The following ZNF469 variants were observed in gnomAD, a reference collection of about 807,000 sequenced individuals.
ZNF469 encodes the protein zinc finger protein 469.
ZNF469 carries 1 observed loss-of-function variant against 1.0 expected under a neutral mutation model. The ratio of observed to expected loss-of-function variants is 1.00; its 90% CI spans 0.35 to 4.73. The LOEUF (loss-of-function observed/expected upper bound fraction) is 4.73. ZNF469 is among the 30% of genes most tolerant of loss of function. The pLI, the probability that ZNF469 is intolerant of heterozygous loss-of-function variation, is 0.16. For missense variants in ZNF469, 6,100 were observed against 5,356.3 expected (o/e 1.14, Z -4.33); for synonymous variants, 2,703 against 2,363.4 (o/e 1.14, Z -4.17).
chr16:88,374,002 A>G, the ZNF469 span, among the ~76,000 whole-genome samples: 1 of 148,178 alleles, frequency 6.7e-6, no homozygotes, highest in South Asian at 2.1e-4. Flanking sequence ...TTTGTCTAAA[A>G]TTAAAAAAAA....
the ZNF469 span, among the ~76,000 whole-genome samples, chr16:88,217,106 G>T: frequency 6.6e-6 from 1 of 152,044 alleles, no homozygotes; most frequent in Non-Finnish European, 1.5e-5. Flanking sequence ...TTGGTTTTTG[G>T]TCGTGTGGTC....
chr16:88,369,718 C>T, the ZNF469 span, among the ~76,000 whole-genome samples: 1 of 152,212 alleles, frequency 6.6e-6, no homozygotes, highest in Non-Finnish European at 1.5e-5. Context: ...ACAGAGCAGG[C>T]TCTTGCAGAG....
the ZNF469 span, among the ~76,000 whole-genome samples, chr16:88,376,863 C>T: frequency 6.6e-6 from 1 of 152,192 alleles, no homozygotes; most frequent in Non-Finnish European, 1.5e-5. Flanking sequence ...GTGCAGGGCA[C>T]AGGTGTGGTG....
the ZNF469 span, among the ~76,000 whole-genome samples, chr16:88,367,324 C>G: frequency 2.7e-3 from 414 of 152,364 alleles, 3 homozygotes; most frequent in African/African-American, 9.4e-3. Context: ...GCCCACTTTA[C>G]AGATGAGGAA....
Position 88,430,418 on chromosome 16 carries a change from A to T in ZNF469, c.2948A>T (p.Asn983Ile). The part of the protein sequence containing the change: ...GRASGLRPRR[N>I]DGLGERPPPR... Reference sequence around the variant, plus strand: ...GCCTCCGGCCTGAGGCCCCGGAGGAACGACGGTCTCGGGGAGCGGCCCCCA... The same window carrying T: ...GCCTCCGGCCTGAGGCCCCGGAGGATCGACGGTCTCGGGGAGCGGCCCCCA... The change falls in exon 3 of 3, where the codon AAC becomes ATC. Residue 983 changes from asparagine to isoleucine, a missense_variant. Transcript: ENST00000565624. 1 of 1,519,644 alleles carries T rather than the reference A, an allele frequency of 6.6e-7. No homozygotes were observed. Among genetic ancestry groups the T allele is most frequent in the Non-Finnish European group, 8.8e-7 (1 of 1,137,990 alleles). The allele number at this position is 1,519,644 out of a possible 1,614,324, so 94.1% of individuals were successfully genotyped here.
the ZNF469 span, among the ~76,000 whole-genome samples, chr16:88,297,238 C>T: frequency 2.6e-5 from 4 of 152,142 alleles, no homozygotes; most frequent in East Asian, 1.9e-4. Flanking sequence ...AGTGGTCTCT[C>T]GGCTGTGCTG....
the ZNF469 span, among the ~76,000 whole-genome samples, chr16:88,287,672 G>C: frequency 3.3e-5 from 5 of 152,088 alleles, no homozygotes; most frequent in Admixed American, 1.3e-4. Flanking sequence ...TCCCTCCCAG[G>C]TCCAGCCCCC....
At chr16:88,107,045 C>T in the ZNF469 span, among the ~76,000 whole-genome samples, 42 of 152,324 alleles carry the variant, frequency 2.8e-4, no homozygotes, top group African/African-American at 9.4e-4. Flanking sequence ...GCCTTTGGGG[C>T]GTGCTGGCAG....
the ZNF469 span, among the ~76,000 whole-genome samples, chr16:88,264,378 C>T: frequency 4.6e-5 from 7 of 151,954 alleles, no homozygotes; most frequent in African/African-American, 1.7e-4. Context: ...CTCCCATGGC[C>T]CCCTTTGAGG....
chr16:88,433,081 AGGGAGGCTTG>A lies in ZNF469; in HGVS notation c.5613_5622del (p.Arg1871SerfsTer25). 6.5e-7 allele frequency: 1 copy of A among 1,550,314 alleles called. No homozygotes were observed. The highest frequency in any genetic ancestry group is 8.7e-7 in the Non-Finnish European group (1 of 1,146,956). On this transcript the variant is annotated frameshift_variant, in exon 3 of 3. Transcript: ENST00000565624. LOFTEE classifies it low-confidence loss of function (END_TRUNC). Reference sequence around the variant, plus strand: ...CTCCTCACTGACTGCCCCCCGGGGCAGGGAGGCTTGGTTGGTCCCTGTGCCAAGTCCCGCC... The same window carrying A: ...CTCCTCACTGACTGCCCCCCGGGGCAGTTGGTCCCTGTGCCAAGTCCCGCC...
chr16:88,430,501 C>G lies in ZNF469; in HGVS notation c.3031C>G (p.Arg1011Gly), dbSNP rs1189103377. The G allele has an allele frequency of 1.3e-5, 19 of 1,420,700 alleles. No homozygotes were observed. The highest frequency in any genetic ancestry group is 1.8e-6 in the Non-Finnish European group (2 of 1,097,994). The allele number at this position is 1,420,700 out of a possible 1,614,324, so 88.0% of individuals were successfully genotyped here. The change falls in exon 3 of 3, where the codon CGG (arginine) becomes GGG (glycine). Residue 1011 changes from arginine (R) to glycine (G), a missense_variant. Arg to Gly is a moderately radical substitution (Grantham distance 125). Coordinates refer to ENST00000565624, the MANE Select transcript of ZNF469 (RefSeq NM_001367624.2). ...CGGGAGCCGCGCAGACCCCGCGCCC[C>G]GGGTCCCGAGAGCCGCCGCCCTCCC... is the stretch of plus-strand genomic sequence containing the variant. ...APGSRADPAP[R>G]VPRAAALPEE...
chr16:88,240,826 G>A, the ZNF469 span, among the ~76,000 whole-genome samples: 30 of 152,092 alleles, frequency 2.0e-4, no homozygotes, highest in Non-Finnish European at 3.2e-4. Context: ...AGTCCTTCCC[G>A]GCCCACTTCC....
At chr16:88,161,663 C>T in the ZNF469 span, among the ~76,000 whole-genome samples, 2 of 152,088 alleles carry the variant, frequency 1.3e-5, no homozygotes, top group Admixed American at 1.3e-4. Flanking sequence ...TCACTAGAAA[C>T]TTCCAGTTAT....
the ZNF469 span, among the ~76,000 whole-genome samples, chr16:88,360,106 G>A: frequency 2.1e-4 from 32 of 151,912 alleles, no homozygotes; most frequent in South Asian, 5.0e-3. Flanking sequence ...CACCCACCTC[G>A]GCCTCCCAAA....
At chr16:88,130,956 G>A in the ZNF469 span, among the ~76,000 whole-genome samples, 8 of 152,220 alleles carry the variant, frequency 5.3e-5, no homozygotes, top group African/African-American at 1.7e-4. Context: ...TGAGGACGAG[G>A]TGCCCGGGCA....
chr16:88,248,547 C>T, the ZNF469 span, among the ~76,000 whole-genome samples: 4 of 152,280 alleles, frequency 2.6e-5, no homozygotes, highest in Admixed American at 2.6e-4. Context: ...AAACAATTCC[C>T]CCCAACTAAT....
At chr16:88,316,573 G>A in the ZNF469 span, among the ~76,000 whole-genome samples, 2 of 89,576 alleles carry the variant, frequency 2.2e-5, no homozygotes, top group South Asian at 4.1e-4. Context: ...TTGAGACAGA[G>A]TCTCGTTCTG....
At chr16:88,113,483 G>C in the ZNF469 span, among the ~76,000 whole-genome samples, 7 of 152,240 alleles carry the variant, frequency 4.6e-5, 1 homozygote, top group South Asian at 1.4e-3. Flanking sequence ...CCTGGTGACA[G>C]GAGAGCCTGC....
At chr16:88,151,597 C>A in the ZNF469 span, among the ~76,000 whole-genome samples, 4 of 152,230 alleles carry the variant, frequency 2.6e-5, no homozygotes, top group Admixed American at 2.6e-4. The surrounding 1 kb of genome is among the most constrained non-coding windows in gnomAD (Gnocchi z 5.4). Flanking sequence ...GTGCCTCACA[C>A]CACTGCTTCT....
Sources: gnomAD v4.1 joint callset for allele counts (sites outside exome capture counted in the v4.1 genomes callset) on GRCh38, gnomAD v4.1.1 for gene constraint, Gnocchi (gnomAD v3.1) non-coding constraint, MANE v1.5 for transcripts, NCBI Gene and HGNC (gene_info 2026-07-23, HGNC 2026-07-21) for gene names.